The following CCDC39 variants were observed in gnomAD, a reference collection of about 807,000 sequenced individuals.
CCDC39 encodes coiled-coil domain-containing protein 39.
In CCDC39, 113 loss-of-function variants were observed where a neutral mutation model predicts 121.0. The observed-to-expected ratio is 0.93, with a 90% CI of 0.80 to 1.09. CCDC39 has a LOEUF of 1.09. Among genes scored for constraint, CCDC39 ranks in the 50% least tolerant of loss-of-function variants. CCDC39 has a pLI of 0.00. For synonymous variants in CCDC39, 349 were observed against 352.2 expected (o/e 0.99, Z 0.10); for missense variants, 1,063 against 1,074.7 (o/e 0.99, Z 0.15).
At chr3:180,645,315 T>C (rs1718044483) in intron 11 of CCDC39, among the ~76,000 whole-genome samples, 1 of 152,094 alleles carries the variant, frequency 6.6e-6, no homozygotes. Context: ...CATAAATAGA[T>C]CATACATTTG....
rs182803063 is a variant in CCDC39 at position 180,663,863 on chromosome 3, G to A, written c.210+4C>T. The A allele has an allele frequency of 1.9e-4, 314 of 1,611,550 alleles. 3 individuals carry two copies. In the Admixed American group the frequency reaches 5.2e-3, roughly 27 times the overall value. On this transcript the variant is annotated splice_donor_region_variant and intron_variant, in intron 2 of 19. Transcript: ENST00000476379. ...ATAATCAACATAAATTTCAGTTACT[G>A]TACCTGTGTAATTGAGAGCTCTTGC...
At chr3:180,641,620 A>G (rs1458734536) in intron 13 of CCDC39, among the ~76,000 whole-genome samples, 3 of 152,182 alleles carry the variant, frequency 2.0e-5, no homozygotes, top group Non-Finnish European at 4.4e-5. Flanking sequence ...TGAAATTGAC[A>G]GTAACATTAA....
intron 1 of CCDC39, among the ~76,000 whole-genome samples, chr3:180,673,802 T>A (rs1054039512): frequency 1.3e-5 from 2 of 151,742 alleles, no homozygotes; most frequent in Admixed American, 6.6e-5. Context: ...AATACAGCAC[T>A]CCAGAAGGAA....
At chr3:180,624,288 T>G (rs1233019993) in intron 14 of CCDC39, among the ~76,000 whole-genome samples, 1 of 152,158 alleles carries the variant, frequency 6.6e-6, no homozygotes, top group Non-Finnish European at 1.5e-5. Flanking sequence ...CCCCTTTACT[T>G]TCAGTATATA....
At chr3:180,620,072 A>T (rs887023525) in intron 14 of CCDC39, 102 bp from the exon 15 acceptor site, 2 of 887,690 alleles carry the variant, frequency 2.3e-6, no homozygotes, top group African/African-American at 3.4e-5. Flanking sequence ...TTGTGACAAT[A>T]ACAGTTTATC....
At chr3:180,641,851 C>T (rs1413054816) in intron 13 of CCDC39, 142 bp downstream of exon 13, 1 of 493,540 alleles carries the variant, frequency 2.0e-6, no homozygotes, top group Non-Finnish European at 3.6e-6. Flanking sequence ...ATGGCTATAA[C>T]ATGCCCTATG....
At chr3:180,670,808 C>A (rs952203712) in intron 1 of CCDC39, among the ~76,000 whole-genome samples, 1 of 151,982 alleles carries the variant, frequency 6.6e-6, no homozygotes, top group East Asian at 1.9e-4. Context: ...AGGGCTTCAA[C>A]CAAATTGAGA....
At chr3:180,641,287 T>C (rs936882525) in intron 13 of CCDC39, among the ~76,000 whole-genome samples, 3 of 152,026 alleles carry the variant, frequency 2.0e-5, no homozygotes, top group Admixed American at 2.0e-4. Flanking sequence ...TGGTAAAAGG[T>C]ATCTAAAAAA....
At chr3:180,647,653 A>G (rs58980055) in intron 10 of CCDC39, among the ~76,000 whole-genome samples, 25,940 of 152,066 alleles carry the variant, frequency 0.17, 2,338 homozygotes, top group Admixed American at 0.19. Context: ...TATTCTTAAT[A>G]TTATACTTTA....
chr3:180,665,837 T>G (rs1411264063), intron 1 of CCDC39, among the ~76,000 whole-genome samples: 1 of 151,704 alleles, frequency 6.6e-6, no homozygotes, highest in Non-Finnish European at 1.5e-5. Flanking sequence ...TTTTAATTAT[T>G]TAATAATTTT....
chr3:180,677,155 AATAATAATAATTTTATATAT>A (rs1712240812), intron 1 of CCDC39, among the ~76,000 whole-genome samples: 1 of 104,602 alleles, frequency 9.6e-6, no homozygotes, highest in African/African-American at 4.4e-5. Flanking sequence ...TAATAATAAT[AATAATAATAATTTTATATAT>A]ATATATATAT....
In CCDC39 at chr3:180,631,474, T is replaced by C. The variant is rs1351130755; in HGVS notation, c.1993A>G (p.Ile665Val). 1 of 1,601,820 alleles carries C rather than the reference T, an allele frequency of 6.2e-7. No homozygotes were observed. The highest frequency in any genetic ancestry group is 1.7e-5 in the Admixed American group (1 of 59,538). The change falls in exon 14 of 20, where the codon ATA (isoleucine) becomes GTA (valine). Residue 665 changes from isoleucine to valine, a missense_variant. Coordinates refer to ENST00000476379, the MANE Select transcript of CCDC39 (RefSeq NM_181426.2). ...EEEKTQAYYVIKAAQEKEELQ... is the reference protein window; with the variant it reads ...EEEKTQAYYVVKAAQEKEELQ... The stretch of plus-strand genomic sequence containing the variant: ...TGTGAATCAATTAAAATTACCTTTA[T>C]TACATAATAGGCCTGTGTTTTCTCC...
Position 180,674,223 on chromosome 3 carries a change from T to C in CCDC39, c.90+5068A>G, listed in dbSNP as rs1712128872. ...CTTGTAAGTTGGATTCCTAGATATT[T>C]TATTCTCTTTGAAGCAATTGTGAAT... On this transcript the variant is annotated intron_variant, in intron 1 of 19. Coordinates refer to ENST00000476379, the MANE Select transcript of CCDC39 (RefSeq NM_181426.2). 2.6e-5 allele frequency among the ~76,000 whole-genome samples: 4 copies of C among 152,322 alleles called. No individual in the cohort carries two copies. In the South Asian group the frequency reaches 8.3e-4, roughly 32 times the overall value.
chr3:180,665,543 T>C (rs890684990), intron 1 of CCDC39, among the ~76,000 whole-genome samples: 1 of 152,116 alleles, frequency 6.6e-6, no homozygotes, highest in Admixed American at 6.5e-5. Flanking sequence ...TTTTGTGTCA[T>C]TAAACTTTTA....
chr3:180,676,586 G>A (rs200291805), intron 1 of CCDC39, among the ~76,000 whole-genome samples: 1 of 152,144 alleles, frequency 6.6e-6, no homozygotes, highest in Admixed American at 6.5e-5. Context: ...ACAGTGTGGC[G>A]ATTCCTGAAG....
intron 1 of CCDC39, among the ~76,000 whole-genome samples, chr3:180,675,844 A>G (rs1712183975): frequency 6.6e-6 from 1 of 152,138 alleles, no homozygotes. Flanking sequence ...AATACCACAC[A>G]TCTACAACCA....
intron 1 of CCDC39, among the ~76,000 whole-genome samples, chr3:180,673,466 C>T (rs1223456073): frequency 6.6e-6 from 1 of 152,188 alleles, no homozygotes; most frequent in Non-Finnish European, 1.5e-5. Flanking sequence ...TCACTGAAGG[C>T]TCAGATGCTT....
chr3:180,675,436 T>C (rs1289415319), intron 1 of CCDC39, among the ~76,000 whole-genome samples: 6 of 152,210 alleles, frequency 3.9e-5, no homozygotes, highest in Non-Finnish European at 7.3e-5. Context: ...AACCAGCTCC[T>C]GGATTCATTG....
chr3:180,657,333 A>G (rs1264173097), intron 6 of CCDC39, among the ~76,000 whole-genome samples: 4 of 152,164 alleles, frequency 2.6e-5, no homozygotes, highest in Non-Finnish European at 1.5e-5. Context: ...ACCACTATGA[A>G]TGTGACCAGG....
Sources: allele counts gnomAD v4.1 joint callset (sites outside exome capture counted in the v4.1 genomes callset), GRCh38; gene constraint gnomAD v4.1.1; transcripts MANE v1.5; gene names NCBI Gene and HGNC (gene_info 2026-07-23, HGNC 2026-07-21).